The following FURIN variants were observed in gnomAD, a reference collection of about 807,000 sequenced individuals.
The protein encoded by FURIN is furin, paired basic amino acid cleaving enzyme.
A neutral mutation model predicts 89.2 loss-of-function variants in FURIN; 18 were observed. The observed-to-expected ratio is 0.20, with a 90% CI of 0.14 to 0.30. The LOEUF (loss-of-function observed/expected upper bound fraction) is 0.30. FURIN is among the 10% of genes least tolerant of loss of function. The pLI is 1.00. For synonymous variants in FURIN, 508 were observed against 466.4 expected (o/e 1.09, Z -1.15); for missense variants, 879 against 1,100.5 (o/e 0.80, Z 2.85).
At position 90,880,233 on chromosome 15, in the gene FURIN, G is replaced by T; in HGVS notation, c.1516G>T (p.Val506Phe). The change falls in exon 13 of 16, where the codon GTC (valine) becomes TTC (phenylalanine). Residue 506 changes from valine to phenylalanine, a missense_variant. Val to Phe is a conservative substitution (Grantham distance 50). Coordinates refer to ENST00000268171, the MANE Select transcript of FURIN (RefSeq NM_002569.4). Reference sequence around the variant, plus strand: ...CCGTGGCGACCTGGCCATCCACCTGGTCAGCCCCATGGGCACCCGCTCCAC... The same window carrying T: ...CCGTGGCGACCTGGCCATCCACCTGTTCAGCCCCATGGGCACCCGCTCCAC... ...NRRGDLAIHL[V>F]SPMGTRSTLL... is the part of the protein sequence containing the mutation. 1 of 1,611,984 alleles carries T rather than the reference G, an allele frequency of 6.2e-7. No homozygotes were observed. Among genetic ancestry groups the T allele is most frequent in the Non-Finnish European group, 8.5e-7 (1 of 1,179,368 alleles).
intron 1 of FURIN, among the ~76,000 whole-genome samples, chr15:90,874,839 C>T (rs891100792): frequency 6.6e-6 from 1 of 152,066 alleles, no homozygotes; most frequent in African/African-American, 2.4e-5. Context: ...TGTATCCTTC[C>T]AGATTTCGCT....
At position 90,881,647 on chromosome 15, in the gene FURIN, C is replaced by T. The variant is rs541235814; in HGVS notation, c.2154C>T (p.Ala718=). The change falls in exon 16 of 16, where the codon GCC becomes GCT. Residue 718 remains alanine (A), a synonymous_variant. Transcript: ENST00000268171. The surrounding 1 kb of genome is among the most constrained non-coding windows in gnomAD (Gnocchi z 4.3). Reference sequence around the variant, plus strand: ...CCTCACACCTGCCTGAGGTGGTGGCCGGCCTCAGCTGCGCCTTCATCGTGC... The same window carrying T: ...CCTCACACCTGCCTGAGGTGGTGGCTGGCCTCAGCTGCGCCTTCATCGTGC... ...LLPSHLPEVV[A]GLSCAFIVLV... 4.9e-5 allele frequency: 77 copies of T among 1,586,516 alleles called. No homozygotes were observed. The South Asian group carries it at 5.0e-4, about 10-fold the overall frequency.
At position 90,881,571 on chromosome 15, in the gene FURIN, G is replaced by C; in HGVS notation, c.2078G>C (p.Arg693Pro). The change falls in exon 16 of 16, where the codon CGG becomes CCG. Residue 693 changes from arginine (R) to proline (P), a missense_variant. Transcript: ENST00000268171. The surrounding 1 kb of genome is among the most constrained non-coding windows in gnomAD (Gnocchi z 4.3). The stretch of plus-strand genomic sequence containing the variant: ...TCCCCGCCACAGCAGCAGCCACCTC[G>C]GCTGCCCCCGGAGGTGGAGGCGGGG... Reference protein sequence around the residue: ...RESPPQQQPPRLPPEVEAGQR... With the variant: ...RESPPQQQPPPLPPEVEAGQR... The C allele has an allele frequency of 6.2e-7, 1 of 1,611,654 alleles. No homozygotes were observed. The highest frequency in any genetic ancestry group is 8.5e-7 in the Non-Finnish European group (1 of 1,178,994).
At position 90,881,803 on chromosome 15, in the gene FURIN, G is replaced by T; in HGVS notation, c.2310G>T (p.Glu770Asp). Residue 770 changes from glutamate (E) to aspartate (D), a missense_variant, in exon 16 of 16, where the codon GAG becomes GAT. By Grantham distance (45) the Glu-to-Asp change is conservative (BLOSUM62 2). This residue lies in a region of FURIN where 457 missense variants were observed against 490.7 expected (regional missense o/e 0.93). Coordinates refer to ENST00000268171, the MANE Select transcript of FURIN (RefSeq NM_002569.4). The surrounding 1 kb of genome is among the most constrained non-coding windows in gnomAD (Gnocchi z 4.3). ...KGLPPEAWQE[E>D]CPSDSEEDEG... ...TGCCCCCTGAAGCCTGGCAGGAGGA[G>T]TGCCCGTCTGACTCAGAAGAGGACG... The T allele has an allele frequency of 6.2e-7, 1 of 1,613,620 alleles. No homozygotes were observed. Among genetic ancestry groups the T allele is most frequent in the Admixed American group, 1.7e-5 (1 of 59,996 alleles).
Position 90,880,252 on chromosome 15 carries a change from G to C in FURIN, c.1535G>C (p.Arg512Pro), listed in dbSNP as rs747304590. ...AIHLVSPMGT[R>P]STLLAARPHD... is the part of the protein sequence containing the mutation. The stretch of plus-strand genomic sequence containing the variant: ...CACCTGGTCAGCCCCATGGGCACCC[G>C]CTCCACCCTGCTGGCAGCCAGGTGC... Residue 512 changes from arginine to proline, a missense_variant, in exon 13 of 16, where the codon CGC (arginine) becomes CCC (proline). Physicochemically the swap from Arg to Pro is moderately radical, Grantham distance 103 (BLOSUM62 -2). Coordinates refer to ENST00000268171, the MANE Select transcript of FURIN (RefSeq NM_002569.4). 6.8e-6 allele frequency: 11 copies of C among 1,606,796 alleles called. No individual in the cohort carries two copies. The East Asian group carries it at 1.6e-4, about 23-fold the overall frequency.
chr15:90,870,860 C>G (rs1346999108), intron 1 of FURIN, among the ~76,000 whole-genome samples: 1 of 152,116 alleles, frequency 6.6e-6, no homozygotes, highest in African/African-American at 2.4e-5. Context: ...GATTAATAAT[C>G]TCAGCCTGAA....
Position 90,871,100 on chromosome 15 carries a change from CGACCTGGGAGTGGAG to C in FURIN, c.-160+2394_-160+2408del, listed in dbSNP as rs891514562. On this transcript the variant is annotated intron_variant, in intron 1 of 15. Transcript: ENST00000268171. The stretch of plus-strand genomic sequence containing the variant: ...GTCCTGCCGCCGTGCAGTCCTCCCT[CGACCTGGGAGTGGAG>C]GACCCCAGGTCCGCCGTCCCTGGGC... 1.8e-4 allele frequency among the ~76,000 whole-genome samples: 27 copies of C among 152,220 alleles called. 1 individual carries two copies. Among genetic ancestry groups the C allele is most frequent in the Non-Finnish European group, 4.4e-5 (3 of 68,040 alleles).
In FURIN at chr15:90,876,143, C is replaced by T; in HGVS notation, c.178-112C>T. The stretch of plus-strand genomic sequence containing the variant: ...GGGTCCCGGACAGGGAGCAGATGCC[C>T]CGCACCCCCGACCGTGGCGAGCCTC... On this transcript the variant is annotated intron_variant, in intron 2 of 15. Transcript: ENST00000268171. This position sits in a 1 kb window ranked among gnomAD's most constrained non-coding sequence, Gnocchi z 5.0. 1.2e-6 allele frequency: 1 copy of T among 836,100 alleles called. No individual in the cohort carries two copies. The highest frequency in any genetic ancestry group is 2.0e-6 in the Non-Finnish European group (1 of 497,224). 51.8% of individuals were successfully genotyped at this position (836,100 alleles called of 1,614,324 possible). A position where few individuals can be genotyped will look rare whatever the true frequency, so the allele number is the denominator to read the frequency against.
In FURIN at chr15:90,876,157, G is replaced by A. The variant is rs1359022360; in HGVS notation, c.178-98G>A. 8 of 893,208 alleles carry A rather than the reference G, an allele frequency of 9.0e-6. No homozygotes were observed. The highest frequency in any genetic ancestry group is 3.5e-5 in the Admixed American group (2 of 57,076). The allele number at this position is 893,208 out of a possible 1,614,324, so 55.3% of individuals were successfully genotyped here. ...GAGCAGATGCCCCGCACCCCCGACC[G>A]TGGCGAGCCTCCCATGAAGCCGTTG... On this transcript the variant is annotated intron_variant, in intron 2 of 15. Coordinates refer to ENST00000268171, the MANE Select transcript of FURIN (RefSeq NM_002569.4). This position sits in a 1 kb window ranked among gnomAD's most constrained non-coding sequence, Gnocchi z 5.0.
At position 90,882,620 on chromosome 15, in the gene FURIN, G is replaced by A. The variant is rs959520121; in HGVS notation, c.*742G>A. ...CTGTTTTCTGAGCCCGGGCTGCCTG[G>A]GCTGTTGGCACTCACAGACCTGGAG... On this transcript the variant is annotated 3_prime_UTR_variant, in exon 16 of 16. Coordinates refer to ENST00000268171, the MANE Select transcript of FURIN (RefSeq NM_002569.4). 2 of 152,760 alleles carry A rather than the reference G, an allele frequency of 1.3e-5. No individual in the cohort carries two copies. Among genetic ancestry groups the A allele is most frequent in the African/African-American group, 4.8e-5 (2 of 41,456 alleles). The allele number at this position is 152,760 out of a possible 1,614,324, so 9.5% of individuals were successfully genotyped here. A position where few individuals can be genotyped will look rare whatever the true frequency, so the allele number is the denominator to read the frequency against.
chr15:90,870,611 C>T (rs1054385232), intron 1 of FURIN, among the ~76,000 whole-genome samples: 17 of 152,170 alleles, frequency 1.1e-4, no homozygotes, highest in African/African-American at 3.9e-4. Flanking sequence ...CTGGGAAGCT[C>T]CTGGCCACAT....
At position 90,878,849 on chromosome 15, in the gene FURIN, C is replaced by T. The variant is rs1178982886; in HGVS notation, c.926C>T (p.Thr309Ile). The T allele has an allele frequency of 9.3e-6, 15 of 1,612,518 alleles. No individual in the cohort carries two copies. Among genetic ancestry groups the T allele is most frequent in the Non-Finnish European group, 1.3e-5 (15 of 1,179,200 alleles). The part of the protein sequence containing the change: ...EHDSCNCDGY[T>I]NSIYTLSISS... ...GACAGCTGCAACTGCGACGGCTACA[C>T]CAACAGTATCTACACGCTGTCCATC... The change falls in exon 9 of 16, where the codon ACC (threonine) becomes ATC (isoleucine). Residue 309 changes from threonine (T) to isoleucine (I), a missense_variant. Physicochemically the swap from Thr to Ile is moderately conservative, Grantham distance 89. This residue lies in a region of FURIN where 156 missense variants were observed against 243.7 expected (regional missense o/e 0.64). Transcript: ENST00000268171.
chr15:90,873,713 C>G lies in FURIN; in HGVS notation c.-159-1869C>G, dbSNP rs185337865. ...ATTGATCAGGCCAGCTTTCTGGAAC[C>G]AACCACCCAAAGCACCATGGGGCTG... On this transcript the variant is annotated intron_variant, in intron 1 of 15. Transcript: ENST00000268171. Among the ~76,000 whole-genome samples the G allele has an allele frequency of 1.3e-3, 191 of 152,276 alleles. 1 individual carries two copies. Among genetic ancestry groups the G allele is most frequent in the African/African-American group, 4.4e-3 (182 of 41,550 alleles).
rs2031637847 is a variant in FURIN, at chr15:90,876,512, G to A, written c.327G>A (p.Val109=). Residue 109 remains valine (V), a synonymous_variant, in exon 4 of 16, where the codon GTG becomes GTA. Coordinates refer to ENST00000268171, the MANE Select transcript of FURIN (RefSeq NM_002569.4). This position sits in a 1 kb window ranked among gnomAD's most constrained non-coding sequence, Gnocchi z 5.0. ...QVAKRRTKRD[V]YQEPTDPKFP... ...CAAAGCGACGGACTAAACGGGACGT[G>A]TACCAGGAGCCCACAGACCCCAAGT... The A allele has an allele frequency of 1.9e-6, 3 of 1,614,038 alleles. No individual in the cohort carries two copies. Among genetic ancestry groups the A allele is most frequent in the East Asian group, 4.5e-5 (2 of 44,886 alleles).
chr15:90,881,600 C>T lies in FURIN; in HGVS notation c.2107C>T (p.Arg703Trp), dbSNP rs1289326094. Residue 703 changes from arginine (R) to tryptophan (W), a missense_variant, in exon 16 of 16, where the codon CGG becomes TGG. Transcript: ENST00000268171. This position sits in a 1 kb window ranked among gnomAD's most constrained non-coding sequence, Gnocchi z 4.3. ...RLPPEVEAGQ[R>W]LRAGLLPSHL... The stretch of plus-strand genomic sequence containing the variant: ...GCCCCCGGAGGTGGAGGCGGGGCAA[C>T]GGCTGCGGGCAGGGCTGCTGCCCTC... 6 of 1,604,836 alleles carry T rather than the reference C, an allele frequency of 3.7e-6. No homozygotes were observed. The highest frequency in any genetic ancestry group is 1.1e-5 in the South Asian group (1 of 90,310).
In FURIN at chr15:90,876,418, G is replaced by A. The variant is rs757641148; in HGVS notation, c.277-44G>A. The stretch of plus-strand genomic sequence containing the variant: ...CCTCCTGCTCTCAGGAGCCCCTCTC[G>A]CCTCCTGCTCCACCCACACCATCTC... On this transcript the variant is annotated intron_variant, in intron 3 of 15. Coordinates refer to ENST00000268171, the MANE Select transcript of FURIN (RefSeq NM_002569.4). The surrounding 1 kb of genome is among the most constrained non-coding windows in gnomAD (Gnocchi z 5.0). 2.7e-5 allele frequency: 42 copies of A among 1,543,442 alleles called. No homozygotes were observed. Among genetic ancestry groups the A allele is most frequent in the Middle Eastern group, 3.4e-4 (2 of 5,930 alleles).
At position 90,880,985 on chromosome 15, in the gene FURIN, C is replaced by T. The variant is rs146566561; in HGVS notation, c.1737C>T (p.Pro579=). 113 of 1,614,058 alleles carry T rather than the reference C, an allele frequency of 7.0e-5. 1 individual carries two copies. The highest frequency in any genetic ancestry group is 6.0e-4 in the African/African-American group (45 of 75,020). ...ATGGCACCGCCCCTGAGGGGCTGCC[C>T]GTACCTCCAGAAAGCAGTGGCTGCA... ...VLYGTAPEGL[P]VPPESSGCKT... is the part of the protein sequence containing the mutation. Residue 579 remains proline, a synonymous_variant, in exon 15 of 16, where the codon CCC becomes CCT. Coordinates refer to ENST00000268171, the MANE Select transcript of FURIN (RefSeq NM_002569.4).
At chr15:90,869,205 C>T (rs1224628232) in intron 1 of FURIN, among the ~76,000 whole-genome samples, 1 of 152,184 alleles carries the variant, frequency 6.6e-6, no homozygotes, top group African/African-American at 2.4e-5. Context: ...TCTCACTCAT[C>T]TCCAGACTTC....
At chr15:90,874,148 C>T (rs887348948) in intron 1 of FURIN, among the ~76,000 whole-genome samples, 3 of 151,620 alleles carry the variant, frequency 2.0e-5, no homozygotes, top group African/African-American at 7.3e-5. Context: ...CCCTAGCTTC[C>T]CCCCCTTCCT....
Sources: gnomAD v4.1 joint callset for allele counts (sites outside exome capture counted in the v4.1 genomes callset) on GRCh38, gnomAD v4.1.1 for gene constraint, gnomAD v4.1.1 regional missense constraint, Gnocchi (gnomAD v3.1) non-coding constraint, MANE v1.5 for transcripts, NCBI Gene and HGNC (gene_info 2026-07-23, HGNC 2026-07-21) for gene names.